BAZ1A: variants seen among roughly 807,000 people sequenced by gnomAD.
BAZ1A encodes the protein bromodomain adjacent to zinc finger domain 1A, also known as bromodomain adjacent to zinc finger domain protein 1A.
Under a neutral mutation model 185.2 loss-of-function variants are expected in BAZ1A, and 50 were observed. The ratio of observed to expected loss-of-function variants is 0.27; its 90% CI spans 0.22 to 0.34. The LOEUF (loss-of-function observed/expected upper bound fraction) is 0.34, where lower values mean the gene tolerates loss of function less well. Ranked by LOEUF, BAZ1A falls within the 10% of genes least tolerant of loss-of-function variation. BAZ1A has a pLI of 1.00. For missense variants in BAZ1A, 1,356 were observed against 1,839.9 expected (o/e 0.74, Z 4.81); for synonymous variants, 571 against 615.6 (o/e 0.93, Z 1.07).
chr14:34,874,406 AG>A lies in BAZ1A; in HGVS notation c.113+85del. 1 of 1,301,004 alleles carries A rather than the reference AG, an allele frequency of 7.7e-7. No homozygotes were observed. Among genetic ancestry groups the A allele is most frequent in the African/African-American group, 1.5e-5 (1 of 67,020 alleles). The allele number at this position is 1,301,004 out of a possible 1,614,324, so 80.6% of individuals were successfully genotyped here. Reference sequence around the variant, plus strand: ...TTTCAAGTCGCCCCGCCAGAAGCCCAGGGCGAGGAAAAGGAGAGAGACAAAA... The same window carrying A: ...TTTCAAGTCGCCCCGCCAGAAGCCCAGGCGAGGAAAAGGAGAGAGACAAAA... On this transcript the variant is annotated intron_variant, in intron 2 of 26. Coordinates refer to ENST00000360310, the MANE Select transcript of BAZ1A (RefSeq NM_013448.3). The surrounding 1 kb of genome is among the most constrained non-coding windows in gnomAD (Gnocchi z 4.7).
chr14:34,842,558 C>T (rs541104184), intron 3 of BAZ1A, among the ~76,000 whole-genome samples: 25 of 152,088 alleles, frequency 1.6e-4, no homozygotes, highest in Non-Finnish European at 2.5e-4. Flanking sequence ...TCATTAAGAG[C>T]GAATGATTAA....
At chr14:34,806,489 C>T (rs999675998) in intron 6 of BAZ1A, among the ~76,000 whole-genome samples, 1 of 152,152 alleles carries the variant, frequency 6.6e-6, no homozygotes, top group Non-Finnish European at 1.5e-5. Flanking sequence ...AAGTGATCCT[C>T]CCACCTCAGC....
chr14:34,826,257 C>T (rs1015185265), intron 3 of BAZ1A, 101 bp from the exon 4 acceptor site: 1 of 1,221,488 alleles, frequency 8.2e-7, no homozygotes, highest in South Asian at 1.4e-5. Context: ...TTTTGTTTTG[C>T]AGAGGCTATA....
intron 26 of BAZ1A, 53 bp downstream of exon 26, chr14:34,754,774 A>G: frequency 7.9e-7 from 1 of 1,272,952 alleles, no homozygotes; most frequent in Non-Finnish European, 1.1e-6. Flanking sequence ...CAAAGATGCT[A>G]TAACAAAATG....
chr14:34,807,152 T>G (rs971566613), intron 6 of BAZ1A, among the ~76,000 whole-genome samples: 1 of 150,612 alleles, frequency 6.6e-6, no homozygotes, highest in African/African-American at 2.4e-5. Context: ...AACCACACTA[T>G]AGGTATTAGG....
At chr14:34,844,775 GCGCACACACA>G (rs1386256841) in intron 3 of BAZ1A, among the ~76,000 whole-genome samples, 2,828 of 135,554 alleles carry the variant, frequency 0.021, 56 homozygotes, top group Admixed American at 0.064. Flanking sequence ...ACACACACAC[GCGCACACACA>G]CACACACACA....
intron 4 of BAZ1A, among the ~76,000 whole-genome samples, chr14:34,816,107 A>G (rs2042003262): frequency 7.9e-5 from 1 of 12,646 alleles, no homozygotes; most frequent in African/African-American, 2.5e-4. Flanking sequence ...TTTTTTTTTG[A>G]GATAGTGTCT....
chr14:34,800,371 T>A lies in BAZ1A; in HGVS notation c.981A>T (p.Leu327Phe). The A allele has an allele frequency of 1.3e-6, 2 of 1,548,212 alleles. No individual in the cohort carries two copies. Among genetic ancestry groups the A allele is most frequent in the Non-Finnish European group, 1.7e-6 (2 of 1,155,530 alleles). Residue 327 changes from leucine to phenylalanine, a missense_variant, in exon 9 of 27, where the codon TTA becomes TTT. Coordinates refer to ENST00000360310, the MANE Select transcript of BAZ1A (RefSeq NM_013448.3). Reference sequence around the variant, plus strand: ...CTAGGGCATCTGCTTTTTCTCTTTTTAATTTAGCCTTTTCAAAAGCTGTGA... The same window carrying A: ...CTAGGGCATCTGCTTTTTCTCTTTTAAATTTAGCCTTTTCAAAAGCTGTGA... ...MKSLAFEKAK[L>F]KREKADALEA...
At chr14:34,809,122 T>A (rs995254185) in intron 5 of BAZ1A, among the ~76,000 whole-genome samples, 8 of 152,212 alleles carry the variant, frequency 5.3e-5, no homozygotes, top group Non-Finnish European at 1.0e-4. Context: ...ATTTAAAGTA[T>A]ATGGGAAGAT....
chr14:34,832,440 A>C (rs1283554611), intron 3 of BAZ1A, among the ~76,000 whole-genome samples: 1 of 106,276 alleles, frequency 9.4e-6, no homozygotes, highest in Non-Finnish European at 2.1e-5. Context: ...TATATGAAGA[A>C]CTCTCACAAC....
In BAZ1A at chr14:34,826,014, C is replaced by T. The variant is rs2042160655; in HGVS notation, c.535G>A (p.Gly179Arg). 2.6e-6 allele frequency: 4 copies of T among 1,540,452 alleles called. No individual in the cohort carries two copies. The highest frequency in any genetic ancestry group is 1.4e-5 in the African/African-American group (1 of 71,640). Residue 179 changes from glycine to arginine, a missense_variant and splice_region_variant, in exon 4 of 27, where the codon GGG (glycine) becomes AGG (arginine). This residue lies in a region of BAZ1A where 332 missense variants were observed against 395.3 expected (regional missense o/e 0.84). Coordinates refer to ENST00000360310, the MANE Select transcript of BAZ1A (RefSeq NM_013448.3). The part of the protein sequence containing the change: ...SETQSCSFQN[G>R]KKKDAIDPLL... ...TAAAAATTAATAAAAATCACTTACC[C>T]ATTTTGAAAAGAACAGCTTTGTGTT... is the stretch of plus-strand genomic sequence containing the variant.
chr14:34,845,366 C>A (rs2042493938), intron 3 of BAZ1A: 1 of 151,232 alleles, frequency 6.6e-6, no homozygotes, highest in African/African-American at 2.4e-5. Context: ...CGCTTCTCTC[C>A]TTTATCTTTG....
At chr14:34,836,706 G>T (rs2042337161) in intron 3 of BAZ1A, among the ~76,000 whole-genome samples, 2 of 151,916 alleles carry the variant, frequency 1.3e-5, no homozygotes, top group African/African-American at 4.9e-5. Flanking sequence ...TTCTAACAGT[G>T]AACTAATTTG....
chr14:34,760,281 G>A (rs1391724562), intron 24 of BAZ1A, among the ~76,000 whole-genome samples: 1 of 152,036 alleles, frequency 6.6e-6, no homozygotes, highest in Non-Finnish European at 1.5e-5. Flanking sequence ...TTGGAGAATT[G>A]GGGAAAAGCA....
At chr14:34,771,203 T>C (rs1879195682) in intron 21 of BAZ1A, 2 of 221,760 alleles carry the variant, frequency 9.0e-6, no homozygotes, top group Non-Finnish European at 1.8e-5. Flanking sequence ...TCTTGCTATA[T>C]GTTGCCCAGG....
intron 4 of BAZ1A, among the ~76,000 whole-genome samples, chr14:34,818,799 T>A (rs1028856433): frequency 1.3e-5 from 2 of 151,958 alleles, no homozygotes; most frequent in African/African-American, 4.8e-5. Flanking sequence ...CTGGACTTAA[T>A]AAGGAATAAA....
At chr14:34,794,575 G>C (rs779944304) in intron 11 of BAZ1A, among the ~76,000 whole-genome samples, 174 bp downstream of exon 11, 6 of 152,184 alleles carry the variant, frequency 3.9e-5, no homozygotes, top group Non-Finnish European at 7.3e-5. Context: ...AAGGCCACAT[G>C]AAGAGGACCG....
At chr14:34,803,146 C>T (rs942996208) in intron 6 of BAZ1A, among the ~76,000 whole-genome samples, 158 bp from the exon 7 acceptor site, 6 of 151,930 alleles carry the variant, frequency 3.9e-5, no homozygotes, top group South Asian at 2.1e-4. Flanking sequence ...TTTGGGAGGC[C>T]GAGGCGGGCG....
At chr14:34,851,884 T>C (rs561289939) in intron 3 of BAZ1A, among the ~76,000 whole-genome samples, 7 of 152,206 alleles carry the variant, frequency 4.6e-5, no homozygotes, top group Non-Finnish European at 8.8e-5. Flanking sequence ...TCCCAGCACT[T>C]TGGGAGGCTG....
Sources: allele counts gnomAD v4.1 joint callset (sites outside exome capture counted in the v4.1 genomes callset), GRCh38; gene constraint gnomAD v4.1.1; regional missense constraint gnomAD v4.1.1; non-coding constraint Gnocchi (gnomAD v3.1); transcripts MANE v1.5; gene names NCBI Gene and HGNC (gene_info 2026-07-23, HGNC 2026-07-21).